SUMF1: variants seen among roughly 807,000 people sequenced by gnomAD.
The protein encoded by SUMF1 is sulfatase modifying factor 1, also known as formylglycine-generating enzyme.
In SUMF1, 48 loss-of-function variants were observed where a neutral mutation model predicts 47.6. The observed-to-expected ratio is 1.01, with a 90% CI of 0.80 to 1.28. The LOEUF (loss-of-function observed/expected upper bound fraction) is 1.28, where lower values mean the gene tolerates loss of function less well. Among genes scored for constraint, SUMF1 ranks in the 50% most tolerant of loss-of-function variants. The probability of loss-of-function intolerance (pLI) is 0.00; values close to 1 mark genes in which losing one functional copy is unlikely to be tolerated. For missense variants in SUMF1, 571 were observed against 485.4 expected, an observed-to-expected ratio of 1.18 and a Z score of -1.66; for synonymous variants, 230 against 192.1, an observed-to-expected ratio of 1.20 and a Z score of -1.63.
Position 4,276,704 on chromosome 3 carries a change from C to T in SUMF1, c.1014+99626G>A, listed in dbSNP as rs541954032. On this transcript the variant is annotated intron_variant and NMD_transcript_variant, in intron 8 of 12. Coordinates refer to the SUMF1 transcript ENST00000448413. Reference sequence around the variant, plus strand: ...TATGGTTCTTGGGAACAACAAGCTACGGTATTTCTTTTTGTTTTCCTGTTT... The same window carrying T: ...TATGGTTCTTGGGAACAACAAGCTATGGTATTTCTTTTTGTTTTCCTGTTT... 4.6e-5 allele frequency among the ~76,000 whole-genome samples: 7 copies of T among 152,236 alleles called. No individual in the cohort carries two copies. The South Asian group carries it at 6.2e-4, about 14-fold the overall frequency.
intron 8 of SUMF1, among the ~76,000 whole-genome samples, chr3:4,105,279 TAAAC>T (rs1693132926): frequency 6.6e-6 from 1 of 152,098 alleles, no homozygotes; most frequent in Non-Finnish European, 1.5e-5. Context: ...GAGTTTTAGT[TAAAC>T]AAAAGGAATA....
intron 7 of SUMF1, among the ~76,000 whole-genome samples, chr3:4,382,438 A>G (rs1468572429): frequency 6.6e-6 from 1 of 152,188 alleles, no homozygotes; most frequent in Non-Finnish European, 1.5e-5. Flanking sequence ...AGAATATACT[A>G]AAATGATTCC....
chr3:4,145,874 CG>C (rs202209732), intron 8 of SUMF1, among the ~76,000 whole-genome samples: 2 of 152,094 alleles, frequency 1.3e-5, no homozygotes, highest in African/African-American at 4.8e-5. Context: ...CTTTTCCCCC[CG>C]TCTACAGCTT....
chr3:4,408,597 G>A (rs566049196), intron 7 of SUMF1, among the ~76,000 whole-genome samples: 12 of 152,312 alleles, frequency 7.9e-5, no homozygotes, highest in African/African-American at 2.6e-4. Flanking sequence ...GGAGGCCAAG[G>A]TGTGAGGATT....
chr3:4,462,108 A>T (rs1189188896), intron 1 of SUMF1, among the ~76,000 whole-genome samples: 1 of 152,112 alleles, frequency 6.6e-6, no homozygotes, highest in East Asian at 1.9e-4. Context: ...CAATCCCTCT[A>T]CTTCTTGTAA....
At chr3:4,074,624 C>A (rs111358303) in intron 8 of SUMF1, among the ~76,000 whole-genome samples, 12,862 of 151,892 alleles carry the variant, frequency 0.085, 1,101 homozygotes, top group East Asian at 0.19. Context: ...AGAGAAGAAT[C>A]AAATAGACCC....
intron 8 of SUMF1, among the ~76,000 whole-genome samples, chr3:4,142,428 G>A (rs985342225): frequency 6.6e-6 from 1 of 152,052 alleles, no homozygotes; most frequent in Non-Finnish European, 1.5e-5. Flanking sequence ...TAGGAATAGT[G>A]TCTTTTATTT....
At chr3:4,039,208 A>ATTTTTTTTTTTTTTTTTTTTTT (rs1213784165) in intron 9 of SUMF1, among the ~76,000 whole-genome samples, 3 of 46,182 alleles carry the variant, frequency 6.5e-5, no homozygotes, top group Admixed American at 3.3e-4. Flanking sequence ...CATCTATGCA[A>ATTTTTTTTTTTTTTTTTTTTTT]ATTTTTTTTT....
At chr3:4,256,332 T>A (rs1696952752) in intron 8 of SUMF1, among the ~76,000 whole-genome samples, 1 of 103,156 alleles carries the variant, frequency 9.7e-6, no homozygotes, top group Non-Finnish European at 2.1e-5. Context: ...CAGGAGCTGG[T>A]TTTTTGAAAG....
intron 8 of SUMF1, among the ~76,000 whole-genome samples, chr3:4,096,252 C>A (rs1436496397): frequency 6.6e-6 from 1 of 152,106 alleles, no homozygotes; most frequent in African/African-American, 2.4e-5. Context: ...TGCCTGAGAA[C>A]TTCCAGTAAG....
In SUMF1 at chr3:4,110,820, A is replaced by T. The variant is rs190895026; in HGVS notation, c.1015-42075T>A. Reference sequence around the variant, plus strand: ...AGAACACTTGGACACAGGAAGGGGAACGTCACACACTGGGGCCTGTTGTGG... The same window carrying T: ...AGAACACTTGGACACAGGAAGGGGATCGTCACACACTGGGGCCTGTTGTGG... On this transcript the variant is annotated intron_variant and NMD_transcript_variant, in intron 8 of 12. Transcript: ENST00000448413. 1.7e-3 allele frequency among the ~76,000 whole-genome samples: 213 copies of T among 124,406 alleles called. 2 individuals are homozygous for T. The highest frequency in any genetic ancestry group is 6.4e-3 in the African/African-American group (204 of 32,068). 81.6% of individuals were successfully genotyped at this position (124,406 alleles called of 152,430 possible). A position where few individuals can be genotyped will look rare whatever the true frequency, so the allele number is the denominator to read the frequency against.
chr3:4,395,045 T>C (rs1403342002), intron 7 of SUMF1, among the ~76,000 whole-genome samples: 1 of 152,222 alleles, frequency 6.6e-6, no homozygotes, highest in Admixed American at 6.5e-5. Context: ...CTAATCCTTA[T>C]CATCGTATTT....
At chr3:4,185,266 T>C (rs1354251029) in intron 8 of SUMF1, among the ~76,000 whole-genome samples, 1 of 152,174 alleles carries the variant, frequency 6.6e-6, no homozygotes, top group African/African-American at 2.4e-5. Flanking sequence ...CATCTTAATA[T>C]AGAGAAAGAT....
chr3:4,235,872 C>T (rs1301716297), intron 8 of SUMF1, among the ~76,000 whole-genome samples: 5 of 152,090 alleles, frequency 3.3e-5, no homozygotes, highest in Admixed American at 6.6e-5. Context: ...CCATGCTACT[C>T]GTCTCTGAGG....
intron 8 of SUMF1, among the ~76,000 whole-genome samples, chr3:4,208,576 T>C (rs1387720483): frequency 6.6e-6 from 1 of 151,206 alleles, no homozygotes; most frequent in Non-Finnish European, 1.5e-5. Context: ...CTGCAATTAA[T>C]ATGCTAAGGT....
At chr3:4,389,144 T>G (rs1436554754) in intron 7 of SUMF1, among the ~76,000 whole-genome samples, 1 of 152,168 alleles carries the variant, frequency 6.6e-6, no homozygotes. Context: ...TAGGATAGGC[T>G]GGCTAGCAAC....
intron 8 of SUMF1, chr3:4,316,228 T>C (rs1328696453): frequency 2.4e-5 from 17 of 716,684 alleles, no homozygotes; most frequent in Non-Finnish European, 4.0e-5. Flanking sequence ...AAAATGATGT[T>C]AGACAAAAAG....
At chr3:4,175,263 G>A (rs1391745220) in intron 8 of SUMF1, among the ~76,000 whole-genome samples, 1 of 152,134 alleles carries the variant, frequency 6.6e-6, no homozygotes, top group Non-Finnish European at 1.5e-5. Context: ...TAGCCTAACT[G>A]GGAGACACCT....
At chr3:4,447,861 C>G (rs1702834622) in intron 3 of SUMF1, among the ~76,000 whole-genome samples, 1 of 152,158 alleles carries the variant, frequency 6.6e-6, no homozygotes. Context: ...CCACCTCTGT[C>G]TTCATACCTA....
Sources: gnomAD v4.1 joint callset for allele counts (sites outside exome capture counted in the v4.1 genomes callset) on GRCh38, gnomAD v4.1.1 for gene constraint, MANE v1.5 for transcripts, NCBI Gene and HGNC (gene_info 2026-07-23, HGNC 2026-07-21) for gene names.